The following TTC39A variants were observed in gnomAD, a reference collection of about 807,000 sequenced individuals.
TTC39A encodes the protein tetratricopeptide repeat protein 39A.
Under a neutral mutation model 82.3 loss-of-function variants are expected in TTC39A, and 46 were observed. That is an observed-to-expected ratio of 0.56 (90% CI 0.44 to 0.71). The LOEUF is 0.71. TTC39A is among the 30% of genes least tolerant of loss of function. The pLI is 0.00. For synonymous variants in TTC39A, 254 were observed against 275.2 expected (o/e 0.92, Z 0.76); for missense variants, 543 against 712.9 (o/e 0.76, Z 2.71).
rs1263061692 is a variant in TTC39A at position 51,287,418 on chromosome 1, A to G, written c.*739T>C. ...CTGAGAACCTCCTCCTGCCCCCCAA[A>G]TTTCCTGGCTTTGGCATAGAAAGGG... is the stretch of plus-strand genomic sequence containing the variant. On this transcript the variant is annotated 3_prime_UTR_variant, in exon 18 of 18. Coordinates refer to ENST00000680483, the MANE Select transcript of TTC39A (RefSeq NM_001297663.2). 6.6e-6 allele frequency: 1 copy of G among 152,070 alleles called. No individual in the cohort carries two copies. The highest frequency in any genetic ancestry group is 1.9e-4 in the East Asian group (1 of 5,192). 9.4% of individuals were successfully genotyped at this position (152,070 alleles called of 1,614,324 possible).
At chr1:51,323,895 G>A (rs1645617139) in intron 1 of TTC39A, among the ~76,000 whole-genome samples, 1 of 152,062 alleles carries the variant, frequency 6.6e-6, no homozygotes, top group Non-Finnish European at 1.5e-5. Context: ...TGTTTCTGGT[G>A]CCTGCTGCTC....
chr1:51,320,382 CTTTCT>C lies in TTC39A; in HGVS notation c.146+1334_146+1338del, dbSNP rs1269037100. On this transcript the variant is annotated intron_variant, in intron 2 of 17. Transcript: ENST00000680483. ...ATAGTAAGGTAAATACTGATTCTTT[CTTTCT>C]TTTCTTTTCTTTTTTTCTTTTTCTT... is the stretch of plus-strand genomic sequence containing the variant. 2.1e-4 allele frequency among the ~76,000 whole-genome samples: 30 copies of C among 144,804 alleles called. 1 individual carries two copies. The highest frequency in any genetic ancestry group is 7.2e-3 in the Middle Eastern group (2 of 278). 95.0% of individuals were successfully genotyped at this position (144,804 alleles called of 152,430 possible).
chr1:51,336,403 C>T (rs1017699856), intron 1 of TTC39A, among the ~76,000 whole-genome samples: 1 of 152,042 alleles, frequency 6.6e-6, no homozygotes, highest in Admixed American at 6.6e-5. Context: ...GAAATTTGGG[C>T]CAAGAACTCA....
At chr1:51,322,614 G>C (rs1464374000) in intron 1 of TTC39A, among the ~76,000 whole-genome samples, 1 of 135,712 alleles carries the variant, frequency 7.4e-6, no homozygotes, top group African/African-American at 2.7e-5. Flanking sequence ...ATGAATGAAT[G>C]AAGAGTCTAA....
intron 9 of TTC39A, 78 bp from the exon 10 acceptor site, chr1:51,302,651 G>T: frequency 6.9e-7 from 1 of 1,453,936 alleles, no homozygotes; most frequent in Non-Finnish European, 9.4e-7. Context: ...CCCAGCAGGG[G>T]CTTCCCAGGG....
intron 1 of TTC39A, among the ~76,000 whole-genome samples, chr1:51,337,807 C>G (rs1285903309): frequency 1.3e-5 from 2 of 152,176 alleles, no homozygotes; most frequent in Non-Finnish European, 2.9e-5. Flanking sequence ...CGCTTGTTGT[C>G]AAGTGACATC....
chr1:51,314,949 C>T (rs566557437), intron 2 of TTC39A, among the ~76,000 whole-genome samples: 77 of 152,346 alleles, frequency 5.1e-4, no homozygotes, highest in African/African-American at 1.7e-3. Flanking sequence ...TGTCCTGCGT[C>T]ACTTCCCTGC....
At chr1:51,314,304 G>T (rs569549650) in intron 2 of TTC39A, among the ~76,000 whole-genome samples, 1 of 152,256 alleles carries the variant, frequency 6.6e-6, no homozygotes, top group Admixed American at 6.5e-5. Context: ...TGCAAAATGG[G>T]GACGATAATG....
rs534334338 is a variant in TTC39A at position 51,321,970 on chromosome 1, A to G, written c.42-145T>C. On this transcript the variant is annotated intron_variant, in intron 1 of 17. Coordinates refer to ENST00000680483, the MANE Select transcript of TTC39A (RefSeq NM_001297663.2). This position sits in a 1 kb window ranked among gnomAD's most constrained non-coding sequence, Gnocchi z 4.6. Reference sequence around the variant, plus strand: ...GAGCTCCTCCAGGCTGCCACTCTGTACTGGGACGCAGGGACAATTTGGACC... The same window carrying G: ...GAGCTCCTCCAGGCTGCCACTCTGTGCTGGGACGCAGGGACAATTTGGACC... The G allele has an allele frequency of 5.2e-6, 7 of 1,337,912 alleles. No homozygotes were observed. The African/African-American group carries it at 1.0e-4, about 19-fold the overall frequency. The allele number at this position is 1,337,912 out of a possible 1,614,324, so 82.9% of individuals were successfully genotyped here.
chr1:51,318,669 G>T (rs1248838835), intron 2 of TTC39A, among the ~76,000 whole-genome samples: 1 of 152,210 alleles, frequency 6.6e-6, no homozygotes, highest in Non-Finnish European at 1.5e-5. Context: ...CTGAAAAGAA[G>T]GGGACTACGG....
intron 14 of TTC39A, among the ~76,000 whole-genome samples, chr1:51,290,928 G>A (rs1569743737): frequency 6.6e-6 from 1 of 152,178 alleles, no homozygotes; most frequent in African/African-American, 2.4e-5. Context: ...TGCCCTCCCT[G>A]AGTGCTATTA....
chr1:51,317,476 C>T (rs1196203782), intron 2 of TTC39A, among the ~76,000 whole-genome samples: 1 of 152,084 alleles, frequency 6.6e-6, no homozygotes, highest in Non-Finnish European at 1.5e-5. Context: ...GGGCCTGGTG[C>T]GCTGGCTCAC....
At chr1:51,289,029 C>A in intron 16 of TTC39A, 74 bp from the exon 17 acceptor site, 1 of 1,406,032 alleles carries the variant, frequency 7.1e-7, no homozygotes, top group Non-Finnish European at 9.8e-7. Flanking sequence ...ATTTCCTAAC[C>A]CGAACTCCAA....
chr1:51,323,977 T>C (rs535677358), intron 1 of TTC39A, among the ~76,000 whole-genome samples: 2 of 152,314 alleles, frequency 1.3e-5, no homozygotes, highest in African/African-American at 4.8e-5. Context: ...AAAGGGACTG[T>C]GGGACAGGAT....
chr1:51,344,087 G>A (rs1272210143), intron 1 of TTC39A, among the ~76,000 whole-genome samples: 2 of 152,186 alleles, frequency 1.3e-5, no homozygotes, highest in Non-Finnish European at 2.9e-5. Context: ...TGGGAGAAAG[G>A]TAGGGAGGTG....
At chr1:51,289,059 C>CTAGAGGAT (rs1157443570) in intron 16 of TTC39A, 104 bp from the exon 17 acceptor site, 19 of 1,005,922 alleles carry the variant, frequency 1.9e-5, no homozygotes, top group Non-Finnish European at 2.5e-5. Context: ...GTTCCCACTA[C>CTAGAGGAT]CCAGCCCTAG....
chr1:51,312,907 G>A lies in TTC39A; in HGVS notation c.183C>T (p.Ala61=). ...KESMYHSLTY[A]TILEMQAMMT... ...TCATGGCCTGCATCTCCAGGATGGT[G>A]GCATATGTCAGTGAGTGGTACATGC... is the stretch of plus-strand genomic sequence containing the variant. The change falls in exon 3 of 18, where the codon GCC becomes GCT. Residue 61 remains alanine, a synonymous_variant. Transcript: ENST00000680483. The A allele has an allele frequency of 1.2e-6, 2 of 1,613,904 alleles. No homozygotes were observed. The highest frequency in any genetic ancestry group is 1.1e-5 in the South Asian group (1 of 91,078).
chr1:51,322,914 T>C (rs1645581254), intron 1 of TTC39A, among the ~76,000 whole-genome samples: 1 of 152,234 alleles, frequency 6.6e-6, no homozygotes, highest in South Asian at 2.1e-4. Flanking sequence ...GATGCATCAG[T>C]AGATCTTCCC....
intron 1 of TTC39A, among the ~76,000 whole-genome samples, chr1:51,339,089 T>C (rs1401460387): frequency 6.6e-6 from 1 of 152,208 alleles, no homozygotes; most frequent in Non-Finnish European, 1.5e-5. Context: ...ATTGAGCGGC[T>C]GCAGTGCTTC....
Sources: allele counts gnomAD v4.1 joint callset (sites outside exome capture counted in the v4.1 genomes callset), GRCh38; gene constraint gnomAD v4.1.1; non-coding constraint Gnocchi (gnomAD v3.1); transcripts MANE v1.5; gene names NCBI Gene and HGNC (gene_info 2026-07-23, HGNC 2026-07-21).